Variants in CENPC observed in about 807,000 individuals in gnomAD.
CENPC encodes centromere protein C, also known as CENP-C 1.
Under a neutral mutation model 112.1 loss-of-function variants are expected in CENPC, and 63 were observed. That is an observed-to-expected ratio of 0.56 (90% CI 0.46 to 0.69). The LOEUF is 0.69. CENPC is among the 30% of genes least tolerant of loss of function. The pLI is 0.00. For synonymous variants in CENPC, 333 were observed against 367.6 expected (o/e 0.91, Z 1.08); for missense variants, 1,000 against 1,103.8 (o/e 0.91, Z 1.33).
intron 9 of CENPC, among the ~76,000 whole-genome samples, chr4:67,509,910 G>T (rs1725848278): frequency 6.6e-6 from 1 of 152,088 alleles, no homozygotes; most frequent in African/African-American, 2.4e-5. Flanking sequence ...GCTTCAGGAT[G>T]AAGTCCAAAT....
At chr4:67,532,957 A>T in intron 4 of CENPC, among the ~76,000 whole-genome samples, 1 of 152,360 alleles carries the variant, frequency 6.6e-6, no homozygotes, top group Middle Eastern at 3.4e-3. Flanking sequence ...TATATGTCAA[A>T]TCTCCCGAGT....
chr4:67,520,947 G>A (rs775403736), intron 5 of CENPC, among the ~76,000 whole-genome samples: 6 of 151,998 alleles, frequency 3.9e-5, no homozygotes, highest in Non-Finnish European at 7.4e-5. Context: ...AGGAGGCGGC[G>A]GTTGCACTGA....
chr4:67,516,889 T>C (rs906919499), intron 7 of CENPC, among the ~76,000 whole-genome samples: 1 of 152,004 alleles, frequency 6.6e-6, no homozygotes, highest in Non-Finnish European at 1.5e-5. Context: ...GCAATGATGC[T>C]AGAAAGCACT....
At chr4:67,491,219 G>C (rs1725248778) in intron 16 of CENPC, among the ~76,000 whole-genome samples, 1 of 149,428 alleles carries the variant, frequency 6.7e-6, no homozygotes, top group Admixed American at 6.7e-5. Context: ...GCACACCCAG[G>C]CTGAAGTGCA....
chr4:67,483,077 A>G (rs187462959), intron 17 of CENPC, among the ~76,000 whole-genome samples: 3 of 152,276 alleles, frequency 2.0e-5, no homozygotes, highest in East Asian at 1.9e-4. Flanking sequence ...CCACCATGTG[A>G]AAAAGGACAT....
In CENPC at chr4:67,505,378, A is replaced by G. The variant is rs940875532; in HGVS notation, c.2052-94T>C. 14 of 729,370 alleles carry G rather than the reference A, an allele frequency of 1.9e-5. No individual in the cohort carries two copies. In the African/African-American group the frequency reaches 2.0e-4, roughly 10 times the overall value. 45.2% of individuals were successfully genotyped at this position (729,370 alleles called of 1,614,324 possible). Reference sequence around the variant, plus strand: ...TGATCATTTTTCTCCTAAAACTGCCATAAGTCTTTCTTATAAAACCAATAG... The same window carrying G: ...TGATCATTTTTCTCCTAAAACTGCCGTAAGTCTTTCTTATAAAACCAATAG... On this transcript the variant is annotated intron_variant, in intron 11 of 18. Transcript: ENST00000273853.
At position 67,505,302 on chromosome 4, in the gene CENPC, A is replaced by T. The variant is rs921592405; in HGVS notation, c.2052-18T>A. On this transcript the variant is annotated intron_variant, in intron 11 of 18. Transcript: ENST00000273853. ...AAGGTCCACTTAAGAAAAAAAGGAAACCACAAAATTAATGCTTTTATAATA... is the reference window on the plus strand; with the variant it reads ...AAGGTCCACTTAAGAAAAAAAGGAATCCACAAAATTAATGCTTTTATAATA... The T allele has an allele frequency of 1.2e-5, 17 of 1,415,582 alleles. No homozygotes were observed. The highest frequency in any genetic ancestry group is 1.5e-5 in the Non-Finnish European group (16 of 1,041,982). The allele number at this position is 1,415,582 out of a possible 1,614,324, so 87.7% of individuals were successfully genotyped here.
At position 67,469,396 on chromosome 4, in the gene CENPC, GA is replaced by G. The variant is rs1421451925; in HGVS notation, c.*3208del. The G allele has an allele frequency of 1.3e-5, 2 of 152,292 alleles. No homozygotes were observed. Among genetic ancestry groups the G allele is most frequent in the East Asian group, 3.9e-4 (2 of 5,184 alleles). 9.4% of individuals were successfully genotyped at this position (152,292 alleles called of 1,614,324 possible). A position where few individuals can be genotyped will look rare whatever the true frequency, so the allele number is the denominator to read the frequency against. Reference sequence around the variant, plus strand: ...GAGTCTTGCTCGGCTGCCCAGCCTGGAGTGCAGTTGCGTGATCTTGGCTCAC... The same window carrying G: ...GAGTCTTGCTCGGCTGCCCAGCCTGGGTGCAGTTGCGTGATCTTGGCTCAC... On this transcript the variant is annotated 3_prime_UTR_variant, in exon 19 of 19. Coordinates refer to ENST00000273853, the MANE Select transcript of CENPC (RefSeq NM_001812.4).
Position 67,506,932 on chromosome 4 carries a change from G to A in CENPC, c.1907C>T (p.Ser636Phe). The A allele has an allele frequency of 1.3e-6, 2 of 1,598,682 alleles. No individual in the cohort carries two copies. Among genetic ancestry groups the A allele is most frequent in the Non-Finnish European group, 1.7e-6 (2 of 1,174,354 alleles). The change falls in exon 11 of 19, where the codon TCT (serine) becomes TTT (phenylalanine). Residue 636 changes from serine (S) to phenylalanine (F), a missense_variant and splice_region_variant. Physicochemically the swap from Ser to Phe is radical, Grantham distance 155 (BLOSUM62 -2). Coordinates refer to ENST00000273853, the MANE Select transcript of CENPC (RefSeq NM_001812.4). ...AKKKNLDCSR[S>F]TRSSKNEDNI... ...ATCTTCATTCTTTGAGCTTCTTGTAGATCTATAAAAATGATAAATGTATGA... is the reference window on the plus strand; with the variant it reads ...ATCTTCATTCTTTGAGCTTCTTGTAAATCTATAAAAATGATAAATGTATGA...
intron 16 of CENPC, among the ~76,000 whole-genome samples, 192 bp downstream of exon 16, chr4:67,491,988 G>A (rs1725295850): frequency 6.6e-6 from 1 of 152,106 alleles, no homozygotes; most frequent in Non-Finnish European, 1.5e-5. Flanking sequence ...AGTGTCCCCT[G>A]GAGCTGTCTG....
intron 5 of CENPC, among the ~76,000 whole-genome samples, chr4:67,529,544 T>C (rs1454445115): frequency 1.1e-4 from 16 of 152,142 alleles, no homozygotes; most frequent in Non-Finnish European, 2.2e-4. Context: ...CATGCTGGTC[T>C]CAAACTCCTG....
chr4:67,537,300 T>G (rs904049504), intron 4 of CENPC, among the ~76,000 whole-genome samples: 1 of 152,166 alleles, frequency 6.6e-6, no homozygotes, highest in African/African-American at 2.4e-5. Context: ...TAGGTAGTAG[T>G]TGTAAAAATT....
At chr4:67,493,155 T>C (rs1725330751) in intron 14 of CENPC, among the ~76,000 whole-genome samples, 158 bp from the exon 15 acceptor site, 1 of 152,070 alleles carries the variant, frequency 6.6e-6, no homozygotes, top group African/African-American at 2.4e-5. Flanking sequence ...AATTTCATTA[T>C]ATCTCTACCA....
chr4:67,505,845 G>T (rs1365878941), intron 11 of CENPC, among the ~76,000 whole-genome samples: 2 of 151,966 alleles, frequency 1.3e-5, no homozygotes, highest in African/African-American at 4.8e-5. Context: ...ATGACTTACA[G>T]ATCAGAGTAA....
intron 5 of CENPC, among the ~76,000 whole-genome samples, chr4:67,521,380 A>C (rs1726225289): frequency 6.6e-6 from 1 of 152,136 alleles, no homozygotes. Flanking sequence ...TTTTAAAAAA[A>C]AGTTTTTTGG....
intron 5 of CENPC, among the ~76,000 whole-genome samples, chr4:67,522,088 A>G (rs1726244884): frequency 6.6e-6 from 1 of 152,242 alleles, no homozygotes; most frequent in African/African-American, 2.4e-5. Context: ...TTTTATGTTT[A>G]TATTATACAA....
rs755416720 is a variant in CENPC at position 67,474,878 on chromosome 4, A to G, written c.2761+10T>C. ...TATACATGTTGTCTAAGTGAAATAAATTGTCTTACCTGAAGGAACATAGAA... is the reference window on the plus strand; with the variant it reads ...TATACATGTTGTCTAAGTGAAATAAGTTGTCTTACCTGAAGGAACATAGAA... On this transcript the variant is annotated intron_variant, in intron 18 of 18. Coordinates refer to ENST00000273853, the MANE Select transcript of CENPC (RefSeq NM_001812.4). The G allele has an allele frequency of 5.4e-6, 8 of 1,490,154 alleles. No individual in the cohort carries two copies. The highest frequency in any genetic ancestry group is 7.4e-6 in the Non-Finnish European group (8 of 1,084,328). 92.3% of individuals were successfully genotyped at this position (1,490,154 alleles called of 1,614,324 possible).
intron 17 of CENPC, among the ~76,000 whole-genome samples, chr4:67,486,072 A>C (rs1284590538): frequency 6.6e-6 from 1 of 152,234 alleles, no homozygotes; most frequent in Non-Finnish European, 1.5e-5. Context: ...TTAATCAAAA[A>C]GACAAAAAAG....
At position 67,545,438 on chromosome 4, in the gene CENPC, A is replaced by T; in HGVS notation, c.-83T>A. The T allele has an allele frequency of 7.3e-7, 1 of 1,367,608 alleles. No individual in the cohort carries two copies. 84.7% of individuals were successfully genotyped at this position (1,367,608 alleles called of 1,614,324 possible). A position where few individuals can be genotyped will look rare whatever the true frequency, so the allele number is the denominator to read the frequency against. Reference sequence around the variant, plus strand: ...GCTCCAGGAAGCCGAGCAAGAAACGAATCGCCGGAATACCAGGCCGCGGCC... The same window carrying T: ...GCTCCAGGAAGCCGAGCAAGAAACGTATCGCCGGAATACCAGGCCGCGGCC... On this transcript the variant is annotated 5_prime_UTR_variant, in exon 1 of 19. Transcript: ENST00000273853.
Sources: gnomAD v4.1 joint callset for allele counts (sites outside exome capture counted in the v4.1 genomes callset) on GRCh38, gnomAD v4.1.1 for gene constraint, MANE v1.5 for transcripts, NCBI Gene and HGNC (gene_info 2026-07-23, HGNC 2026-07-21) for gene names.